Variants in PHLPP1 observed in about 807,000 individuals in gnomAD.
PHLPP1 encodes PH domain and leucine rich repeat protein phosphatase 1.
PHLPP1 carries 42 observed loss-of-function variants against 117.2 expected under a neutral mutation model. The ratio of observed to expected loss-of-function variants is 0.36; its 90% CI spans 0.28 to 0.46. PHLPP1 has a LOEUF of 0.46. PHLPP1 is among the 20% of genes least tolerant of loss of function. The pLI is 1.00. For synonymous variants in PHLPP1, 1,042 were observed against 970.7 expected (o/e 1.07, Z -1.37); for missense variants, 2,084 against 2,241.9 (o/e 0.93, Z 1.42).
Position 62,914,922 on chromosome 18 carries a change from A to T in PHLPP1, c.2718A>T (p.Leu906Phe), listed in dbSNP as rs368066705. 6.2e-7 allele frequency: 1 copy of T among 1,613,262 alleles called. No individual in the cohort carries two copies. The highest frequency in any genetic ancestry group is 8.5e-7 in the Non-Finnish European group (1 of 1,179,486). Residue 906 changes from leucine (L) to phenylalanine (F), a missense_variant, in exon 9 of 17, where the codon TTA becomes TTT. Coordinates refer to ENST00000262719, the MANE Select transcript of PHLPP1 (RefSeq NM_194449.4). ...LSYMDVSRNR[L>F]ENVPEWVCES... ...ATGTTCTTGCATTTAGGAACCGCTT[A>T]GAAAATGTGCCTGAGTGGGTATGTG...
In PHLPP1 at chr18:62,895,131, C is replaced by G; in HGVS notation, c.2187C>G (p.Val729=). 1.2e-6 allele frequency: 2 copies of G among 1,613,900 alleles called. No homozygotes were observed. ...TGTCCTGCAATGCCCTGCGATCAGTCCCGGCAGCCGTTGGAGTGATGCACA... is the reference window on the plus strand; with the variant it reads ...TGTCCTGCAATGCCCTGCGATCAGTGCCGGCAGCCGTTGGAGTGATGCACA... The part of the protein sequence containing the change: ...LNVSCNALRS[V]PAAVGVMHNL... The change falls in exon 5 of 17, where the codon GTC becomes GTG. Residue 729 remains valine (V), a synonymous_variant. Transcript: ENST00000262719.
chr18:62,790,179 G>A (rs1204704789), intron 1 of PHLPP1, among the ~76,000 whole-genome samples: 1 of 152,146 alleles, frequency 6.6e-6, no homozygotes, highest in African/African-American at 2.4e-5. Flanking sequence ...TTAGTGTTTG[G>A]TTGTCAGTCA....
chr18:62,808,509 G>T (rs1914016442), intron 1 of PHLPP1, among the ~76,000 whole-genome samples: 1 of 150,066 alleles, frequency 6.7e-6, no homozygotes, highest in Non-Finnish European at 1.5e-5. Context: ...CTAAGTACTT[G>T]TCTAAAATAG....
chr18:62,897,386 T>C (rs1230919657), intron 6 of PHLPP1, among the ~76,000 whole-genome samples: 1 of 152,238 alleles, frequency 6.6e-6, no homozygotes, highest in African/African-American at 2.4e-5. Flanking sequence ...TTAGACACTC[T>C]GTAAATGTTG....
At chr18:62,954,028 C>T (rs1215692797) in intron 12 of PHLPP1, among the ~76,000 whole-genome samples, 2 of 152,196 alleles carry the variant, frequency 1.3e-5, no homozygotes, top group Admixed American at 1.3e-4. Context: ...TAAAGACAGG[C>T]TCCATGCAGC....
chr18:62,788,265 G>A (rs1291681350), intron 1 of PHLPP1, among the ~76,000 whole-genome samples: 2 of 152,102 alleles, frequency 1.3e-5, no homozygotes, highest in African/African-American at 2.4e-5. Context: ...GGTGTCCTGG[G>A]CACACTTGTA....
chr18:62,954,948 T>G (rs1005925782), intron 12 of PHLPP1, among the ~76,000 whole-genome samples: 5 of 152,158 alleles, frequency 3.3e-5, no homozygotes, highest in African/African-American at 1.2e-4. Flanking sequence ...CACTTTCCAG[T>G]GCACTGCGCT....
intron 1 of PHLPP1, among the ~76,000 whole-genome samples, chr18:62,791,459 C>T (rs531468174): frequency 1.3e-5 from 2 of 152,020 alleles, no homozygotes; most frequent in South Asian, 2.1e-4. Flanking sequence ...AAGTTTCCTC[C>T]TATGTTTCTC....
At chr18:62,786,789 A>G (rs1323701241) in intron 1 of PHLPP1, among the ~76,000 whole-genome samples, 1 of 152,242 alleles carries the variant, frequency 6.6e-6, no homozygotes, top group Non-Finnish European at 1.5e-5. Context: ...TCTAAAAGCT[A>G]CCAGTTGTGC....
intron 1 of PHLPP1, among the ~76,000 whole-genome samples, chr18:62,773,649 C>T (rs1912864438): frequency 6.6e-6 from 1 of 152,124 alleles, no homozygotes; most frequent in South Asian, 2.1e-4. Context: ...AGTGTATCTC[C>T]ACCCTAAATG....
intron 1 of PHLPP1, among the ~76,000 whole-genome samples, chr18:62,774,852 T>TAA (rs569393105): frequency 7.2e-6 from 1 of 139,828 alleles, no homozygotes; most frequent in South Asian, 2.2e-4. Context: ...AAAATACCTC[T>TAA]AAAAAAAAAA....
intron 1 of PHLPP1, among the ~76,000 whole-genome samples, chr18:62,783,513 C>G (rs1264457764): frequency 6.6e-6 from 1 of 152,304 alleles, no homozygotes; most frequent in South Asian, 2.1e-4. Flanking sequence ...CAGGCGTGAG[C>G]CACCACACCC....
At chr18:62,742,357 A>G (rs1280525681) in intron 1 of PHLPP1, among the ~76,000 whole-genome samples, 1 of 152,136 alleles carries the variant, frequency 6.6e-6, no homozygotes, top group Non-Finnish European at 1.5e-5. Flanking sequence ...ACTCTATGTT[A>G]TCTGAGGCCC....
chr18:62,739,258 A>C (rs1165231143), intron 1 of PHLPP1, among the ~76,000 whole-genome samples: 1 of 152,234 alleles, frequency 6.6e-6, no homozygotes, highest in Non-Finnish European at 1.5e-5. Context: ...AAAAAGTAGT[A>C]GCGAGTTATA....
At chr18:62,935,040 A>G (rs936859964) in intron 10 of PHLPP1, among the ~76,000 whole-genome samples, 15 of 152,214 alleles carry the variant, frequency 9.9e-5, no homozygotes, top group Non-Finnish European at 1.9e-4. Context: ...AGGTAATTAG[A>G]CAAGAAAAGA....
chr18:62,736,828 ACT>A (rs1400742710), intron 1 of PHLPP1, among the ~76,000 whole-genome samples: 1 of 151,476 alleles, frequency 6.6e-6, no homozygotes, highest in African/African-American at 2.4e-5. Flanking sequence ...ATGTGTGGTA[ACT>A]CTCAGGAAGT....
chr18:62,904,007 A>G (rs1199230202), intron 7 of PHLPP1, among the ~76,000 whole-genome samples: 1 of 152,214 alleles, frequency 6.6e-6, no homozygotes, highest in Non-Finnish European at 1.5e-5. Context: ...CACTACTGCA[A>G]GTTGAACATA....
In PHLPP1 at chr18:62,894,486, C is replaced by T. The variant is rs1314394879; in HGVS notation, c.2067-525C>T. On this transcript the variant is annotated intron_variant, in intron 4 of 16. Coordinates refer to ENST00000262719, the MANE Select transcript of PHLPP1 (RefSeq NM_194449.4). Reference sequence around the variant, plus strand: ...TGCTAGGATTACAGGCCTGAGCCACCAGGCCCAGCTGATAATTGGTTCTTA... The same window carrying T: ...TGCTAGGATTACAGGCCTGAGCCACTAGGCCCAGCTGATAATTGGTTCTTA... Among the ~76,000 whole-genome samples the T allele has an allele frequency of 2.0e-5, 3 of 152,222 alleles. 1 individual carries two copies. Among genetic ancestry groups the T allele is most frequent in the Non-Finnish European group, 4.4e-5 (3 of 68,042 alleles).
intron 12 of PHLPP1, among the ~76,000 whole-genome samples, chr18:62,950,081 C>T (rs1038795662): frequency 1.3e-5 from 2 of 152,214 alleles, no homozygotes; most frequent in Non-Finnish European, 1.5e-5. Flanking sequence ...TTGATACCTG[C>T]GGTGAATGAA....
Sources: gnomAD v4.1 joint callset for allele counts (sites outside exome capture counted in the v4.1 genomes callset) on GRCh38, gnomAD v4.1.1 for gene constraint, MANE v1.5 for transcripts, NCBI Gene and HGNC (gene_info 2026-07-23, HGNC 2026-07-21) for gene names.